Variants in SCN10A observed in about 807,000 individuals in gnomAD.
SCN10A encodes the protein sodium channel protein type 10 subunit alpha.
SCN10A carries 162 observed loss-of-function variants against 170.7 expected under a neutral mutation model. The observed-to-expected ratio is 0.95, with a 90% CI of 0.84 to 1.08. The LOEUF (loss-of-function observed/expected upper bound fraction) is 1.08. Among genes scored for constraint, SCN10A ranks in the 50% least tolerant of loss-of-function variants. The pLI is 0.00. For missense variants in SCN10A, 2,527 were observed against 2,436.9 expected (o/e 1.04, Z -0.78); for synonymous variants, 985 against 904.6 (o/e 1.09, Z -1.59).
chr3:38,757,010 C>G lies in SCN10A; in HGVS notation c.1092+8G>C. The G allele has an allele frequency of 2.5e-6, 4 of 1,607,698 alleles. No individual in the cohort carries two copies. The highest frequency in any genetic ancestry group is 3.4e-6 in the Non-Finnish European group (4 of 1,177,056). Reference sequence around the variant, plus strand: ...ACCAAGTCTGCGTGGGGGAATGCAGCTCAGTACCTGCTGGTAGAGGCGTTC... The same window carrying G: ...ACCAAGTCTGCGTGGGGGAATGCAGGTCAGTACCTGCTGGTAGAGGCGTTC... On this transcript the variant is annotated splice_region_variant and intron_variant, in intron 9 of 27. Coordinates refer to ENST00000449082, the MANE Select transcript of SCN10A (RefSeq NM_006514.4).
rs1359358689 is a variant in SCN10A, at chr3:38,734,592, CAT to C, written c.2280+4921_2280+4922del. On this transcript the variant is annotated intron_variant, in intron 15 of 27. Coordinates refer to ENST00000449082, the MANE Select transcript of SCN10A (RefSeq NM_006514.4). ...CTTTAACAGATTGAAGGAGAAAATA[CAT>C]GATTATCTCAATACATGTAGAATAA... Among the ~76,000 whole-genome samples the C allele has an allele frequency of 3.9e-5, 6 of 152,252 alleles. No homozygotes were observed. In the East Asian group the frequency reaches 5.8e-4, roughly 15 times the overall value.
chr3:38,777,126 A>G (rs1382529697), intron 4 of SCN10A, among the ~76,000 whole-genome samples: 2 of 152,054 alleles, frequency 1.3e-5, no homozygotes, highest in African/African-American at 4.8e-5. Context: ...GCTCACTGTC[A>G]TAGCTTTGAA....
In SCN10A at chr3:38,756,878, G is replaced by A; in HGVS notation, c.1093-7C>T. ...TCCCAGAAGTCCTCAGGGTCTGCAG[G>A]TTCAAGGGAAAGAAGAGAAACCTGT... is the stretch of plus-strand genomic sequence containing the variant. On this transcript the variant is annotated splice_polypyrimidine_tract_variant and splice_region_variant and intron_variant, in intron 9 of 27. Coordinates refer to ENST00000449082, the MANE Select transcript of SCN10A (RefSeq NM_006514.4). 8.1e-6 allele frequency: 13 copies of A among 1,613,926 alleles called. No individual in the cohort carries two copies. The highest frequency in any genetic ancestry group is 1.1e-5 in the Non-Finnish European group (13 of 1,179,910).
chr3:38,770,173 C>G (rs2063982024), intron 5 of SCN10A, among the ~76,000 whole-genome samples: 1 of 152,176 alleles, frequency 6.6e-6, no homozygotes, highest in African/African-American at 2.4e-5. Flanking sequence ...CTTTAATGGC[C>G]TGAGCTGTTT....
At chr3:38,719,867 A>G (rs369471212) in intron 20 of SCN10A, among the ~76,000 whole-genome samples, 2 of 152,226 alleles carry the variant, frequency 1.3e-5, no homozygotes, top group South Asian at 2.1e-4. Context: ...CAGTGCCCCT[A>G]TCCTTCATCT....
chr3:38,745,221 C>G (rs1230270635), intron 13 of SCN10A, among the ~76,000 whole-genome samples: 3 of 152,148 alleles, frequency 2.0e-5, no homozygotes, highest in Non-Finnish European at 4.4e-5. Context: ...TACTTGCCAG[C>G]TTAAAACATG....
At chr3:38,723,750 G>A (rs1374539461) in intron 18 of SCN10A, among the ~76,000 whole-genome samples, 197 bp from the exon 19 acceptor site, 7 of 152,200 alleles carry the variant, frequency 4.6e-5, no homozygotes, top group African/African-American at 1.2e-4. Flanking sequence ...TGGAGTGCTG[G>A]CAATGGCCCG....
chr3:38,753,488 C>T (rs2063770997), intron 11 of SCN10A, among the ~76,000 whole-genome samples: 1 of 152,092 alleles, frequency 6.6e-6, no homozygotes, highest in South Asian at 2.1e-4. Context: ...CTTACTAATC[C>T]CCTTATCTCA....
intron 4 of SCN10A, among the ~76,000 whole-genome samples, chr3:38,786,900 A>C (rs1410324169): frequency 6.6e-6 from 1 of 152,186 alleles, no homozygotes. Context: ...CCAATGGCAC[A>C]CTGCTTCAAT....
intron 18 of SCN10A, 141 bp from the exon 19 acceptor site, chr3:38,723,694 C>T: frequency 9.3e-7 from 1 of 1,076,054 alleles, no homozygotes; most frequent in East Asian, 2.6e-5. Context: ...TCCCTGGAGC[C>T]CCAGAGGCTT....
At position 38,734,899 on chromosome 3, in the gene SCN10A, G is replaced by C. The variant is rs568710098; in HGVS notation, c.2280+4616C>G. On this transcript the variant is annotated intron_variant, in intron 15 of 27. Transcript: ENST00000449082. Reference sequence around the variant, plus strand: ...AAAAGAAGAAATTAGGCTGGGCGTGGGTGGCTCATGCCTGTAATCCCAGCA... The same window carrying C: ...AAAAGAAGAAATTAGGCTGGGCGTGCGTGGCTCATGCCTGTAATCCCAGCA... 8.1e-4 allele frequency among the ~76,000 whole-genome samples: 123 copies of C among 152,218 alleles called. 1 individual carries two copies. The highest frequency in any genetic ancestry group is 6.8e-3 in the Middle Eastern group (2 of 294).
At chr3:38,737,100 AG>A (rs1648032807) in intron 15 of SCN10A, among the ~76,000 whole-genome samples, 3 of 146,722 alleles carry the variant, frequency 2.0e-5, no homozygotes, top group African/African-American at 5.1e-5. Context: ...CCTCCCGAGT[AG>A]CTGGGACTAC....
chr3:38,739,621 A>G lies in SCN10A; in HGVS notation c.2174T>C (p.Phe725Ser). 6.2e-7 allele frequency: 1 copy of G among 1,614,156 alleles called. No individual in the cohort carries two copies. The highest frequency in any genetic ancestry group is 8.5e-7 in the Non-Finnish European group (1 of 1,179,980). The change falls in exon 15 of 28, where the codon TTC becomes TCC. Residue 725 changes from phenylalanine to serine, a missense_variant. Transcript: ENST00000449082. ...KIIAFDPYYY[F>S]QKKWNIFDCI... ...GTCAAAGATATTCCACTTCTTCTGG[A>G]AATAATAGTATGGGTCGAAGGCAAT...
chr3:38,804,158 T>A (rs2126065162), intron 1 of SCN10A, among the ~76,000 whole-genome samples: 1 of 152,328 alleles, frequency 6.6e-6, no homozygotes, highest in South Asian at 2.1e-4. Context: ...TGCTTGTTCA[T>A]TGGAACCGAG....
chr3:38,748,975 G>A (rs1372112664), intron 13 of SCN10A, among the ~76,000 whole-genome samples: 1 of 152,138 alleles, frequency 6.6e-6, no homozygotes, highest in Non-Finnish European at 1.5e-5. Flanking sequence ...CTTTGTTAAT[G>A]CACTGCTCTT....
At chr3:38,755,395 G>A (rs138147559) in intron 11 of SCN10A, among the ~76,000 whole-genome samples, 1 of 152,184 alleles carries the variant, frequency 6.6e-6, no homozygotes, top group East Asian at 1.9e-4. Flanking sequence ...GATGTCCGCA[G>A]ACACCTTAAG....
At chr3:38,745,415 G>T (rs558903351) in intron 13 of SCN10A, among the ~76,000 whole-genome samples, 1 of 152,126 alleles carries the variant, frequency 6.6e-6, no homozygotes, top group East Asian at 1.9e-4. Context: ...TTAATCTTCA[G>T]TCTCTCTTAT....
At chr3:38,752,914 A>G (rs1316513753) in intron 11 of SCN10A, among the ~76,000 whole-genome samples, 1 of 152,214 alleles carries the variant, frequency 6.6e-6, no homozygotes, top group Admixed American at 6.5e-5. Flanking sequence ...TACTATGCAC[A>G]CCAGTACTGG....
At chr3:38,700,245 A>G (rs139318118) in intron 27 of SCN10A, among the ~76,000 whole-genome samples, 2 of 152,228 alleles carry the variant, frequency 1.3e-5, no homozygotes, top group Admixed American at 1.3e-4. Flanking sequence ...AGTCAAACTC[A>G]TGGGAGCAGA....
Sources: gnomAD v4.1 joint callset for allele counts (sites outside exome capture counted in the v4.1 genomes callset) on GRCh38, gnomAD v4.1.1 for gene constraint, MANE v1.5 for transcripts, NCBI Gene and HGNC (gene_info 2026-07-23, HGNC 2026-07-21) for gene names.